The following HEMK2 variants were observed in gnomAD, a reference collection of about 807,000 sequenced individuals.
HEMK2 encodes methyltransferase HEMK2.
At chr21:28,590,123 T>G in the HEMK2 span, among the ~76,000 whole-genome samples, 1 of 152,252 alleles carries the variant, frequency 6.6e-6, no homozygotes, top group African/African-American at 2.4e-5. Context: ...CTCTCTGTTT[T>G]TGGCTTTTTG....
At chr21:28,756,394 C>T in the HEMK2 span, among the ~76,000 whole-genome samples, 337 of 152,236 alleles carry the variant, frequency 2.2e-3, no homozygotes, top group Non-Finnish European at 3.3e-3. Flanking sequence ...TCACTTCAGG[C>T]GGCCTTTTTT....
chr21:28,616,038 C>T, the HEMK2 span, among the ~76,000 whole-genome samples: 1 of 152,068 alleles, frequency 6.6e-6, no homozygotes, highest in Non-Finnish European at 1.5e-5. Flanking sequence ...TATCAAGTGC[C>T]ACTCATCATG....
the HEMK2 span, among the ~76,000 whole-genome samples, chr21:28,602,783 C>T: frequency 1.3e-5 from 2 of 152,200 alleles, no homozygotes; most frequent in Admixed American, 6.5e-5. Flanking sequence ...GAGCTTATCT[C>T]ACTAACCCTC....
chr21:28,743,988 G>A, the HEMK2 span, among the ~76,000 whole-genome samples: 3 of 151,926 alleles, frequency 2.0e-5, no homozygotes, highest in African/African-American at 7.3e-5. Context: ...AACTAACACA[G>A]AAAACCAAAT....
chr21:28,611,142 T>C, the HEMK2 span, among the ~76,000 whole-genome samples: 1 of 152,196 alleles, frequency 6.6e-6, no homozygotes, highest in Non-Finnish European at 1.5e-5. Flanking sequence ...ATAGACCATA[T>C]GATAGGCCAC....
At chr21:28,724,568 T>G in the HEMK2 span, among the ~76,000 whole-genome samples, 14 of 152,214 alleles carry the variant, frequency 9.2e-5, no homozygotes, top group Admixed American at 9.2e-4. Context: ...GTTTGTTTGT[T>G]TTTTAACCAG....
chr21:28,590,321 T>G, the HEMK2 span, among the ~76,000 whole-genome samples: 1 of 152,106 alleles, frequency 6.6e-6, no homozygotes, highest in Non-Finnish European at 1.5e-5. Context: ...CAGAAGAACA[T>G]GGTGTTGGAA....
chr21:28,578,251 T>C, the HEMK2 span, among the ~76,000 whole-genome samples: 2 of 152,244 alleles, frequency 1.3e-5, no homozygotes, highest in African/African-American at 4.8e-5. Flanking sequence ...TAAATCTCAC[T>C]ACCCCTTTCT....
the HEMK2 span, among the ~76,000 whole-genome samples, chr21:28,767,971 C>A: frequency 6.6e-5 from 10 of 151,914 alleles, no homozygotes; most frequent in Non-Finnish European, 1.2e-4. Flanking sequence ...TTTGTTTCAG[C>A]CTCCAACGTG....
the HEMK2 span, among the ~76,000 whole-genome samples, chr21:28,796,833 G>A: frequency 1.3e-5 from 2 of 152,194 alleles, no homozygotes; most frequent in Non-Finnish European, 2.9e-5. Context: ...GCCTCCCAAA[G>A]TGCTGGGATT....
chr21:28,824,856 T>C, the HEMK2 span, among the ~76,000 whole-genome samples: 2 of 152,192 alleles, frequency 1.3e-5, no homozygotes, highest in Admixed American at 1.3e-4. Flanking sequence ...TCTGTCTCCA[T>C]AAGGCAACAT....
the HEMK2 span, among the ~76,000 whole-genome samples, chr21:28,695,865 T>A: frequency 6.6e-6 from 1 of 152,146 alleles, no homozygotes; most frequent in South Asian, 2.1e-4. Flanking sequence ...CTCTTCCACC[T>A]ATGAGCCTGT....
chr21:28,576,956 C>T, the HEMK2 span, among the ~76,000 whole-genome samples: 3 of 152,196 alleles, frequency 2.0e-5, no homozygotes, highest in South Asian at 6.2e-4. Context: ...AGTGATCCAC[C>T]CGCCTCAGCT....
the HEMK2 span, among the ~76,000 whole-genome samples, chr21:28,706,695 G>A: frequency 6.6e-6 from 1 of 152,046 alleles, no homozygotes; most frequent in Admixed American, 6.6e-5. Flanking sequence ...AAAAAGCAAC[G>A]CTTGTACTTT....
At chr21:28,621,033 C>A in the HEMK2 span, among the ~76,000 whole-genome samples, 2 of 151,968 alleles carry the variant, frequency 1.3e-5, no homozygotes. Context: ...TTCAAAAAAC[C>A]AGCTCCTGGA....
chr21:28,655,716 C>CA, the HEMK2 span, among the ~76,000 whole-genome samples: 4 of 152,076 alleles, frequency 2.6e-5, no homozygotes, highest in African/African-American at 7.2e-5. Flanking sequence ...GCATCTGACT[C>CA]ATGGTACGCT....
At chr21:28,786,849 T>C in the HEMK2 span, among the ~76,000 whole-genome samples, 3 of 152,178 alleles carry the variant, frequency 2.0e-5, no homozygotes, top group Admixed American at 6.5e-5. Context: ...TTTTCAACCA[T>C]TGATAGAAGA....
chr21:28,861,098 G>A, the HEMK2 span, among the ~76,000 whole-genome samples: 15,797 of 152,208 alleles, frequency 0.1, 1,174 homozygotes, highest in African/African-American at 0.21. Flanking sequence ...AAACAGATTC[G>A]TGAAGGCAGC....
the HEMK2 span, among the ~76,000 whole-genome samples, chr21:28,665,091 A>T: frequency 6.6e-6 from 1 of 151,394 alleles, no homozygotes; most frequent in Non-Finnish European, 1.5e-5. Flanking sequence ...CAGCTTGGGC[A>T]ACATGGTAAG....
Sources: gnomAD v4.1 joint callset for allele counts (sites outside exome capture counted in the v4.1 genomes callset) on GRCh38, gnomAD v4.1.1 for gene constraint, MANE v1.5 for transcripts, NCBI Gene and HGNC (gene_info 2026-07-23, HGNC 2026-07-21) for gene names.